EXOSC7: variants seen among roughly 807,000 people sequenced by gnomAD.
EXOSC7 encodes the protein exosome component 7, also known as exosome complex component RRP42.
EXOSC7 carries 25 observed loss-of-function variants against 34.3 expected under a neutral mutation model. The ratio of observed to expected loss-of-function variants is 0.73; its 90% CI spans 0.53 to 1.02. The LOEUF (loss-of-function observed/expected upper bound fraction) is 1.02, where lower values mean the gene tolerates loss of function less well. Ranked by LOEUF, EXOSC7 falls within the 50% of genes least tolerant of loss-of-function variation. The pLI is 0.00. For missense variants in EXOSC7, 370 were observed against 368.5 expected, an observed-to-expected ratio of 1.00 and a Z score of -0.03; for synonymous variants, 130 against 143.0, an observed-to-expected ratio of 0.91 and a Z score of 0.65.
rs968028612 is a variant in EXOSC7, at chr3:45,005,443, T to C, written c.615+29T>C. The C allele has an allele frequency of 4.3e-6, 7 of 1,609,380 alleles. No homozygotes were observed. In the African/African-American group the frequency reaches 9.3e-5, roughly 21 times the overall value. On this transcript the variant is annotated intron_variant, in intron 6 of 7. Coordinates refer to ENST00000265564, the MANE Select transcript of EXOSC7 (RefSeq NM_015004.4). ...TAACTTGTATTTTATGGTTTTTGTC[T>C]TCCCTGTGGGTGTGGGTCTCCTCTA...
At chr3:45,003,361 GTA>G (rs55776265) in intron 5 of EXOSC7, among the ~76,000 whole-genome samples, 64,680 of 145,960 alleles carry the variant, frequency 0.44, 14,296 homozygotes, top group East Asian at 0.77. Context: ...GTGTGTGTGT[GTA>G]TGTGTGTGTG....
intron 3 of EXOSC7, among the ~76,000 whole-genome samples, chr3:44,990,949 T>G (rs1706553768): frequency 6.6e-6 from 1 of 152,202 alleles, no homozygotes; most frequent in African/African-American, 2.4e-5. Context: ...GTTAACCCAC[T>G]TTTGTAGGGT....
At chr3:44,996,969 T>C in intron 3 of EXOSC7, 118 bp from the exon 4 acceptor site, 1 of 1,037,028 alleles carries the variant, frequency 9.6e-7, no homozygotes. Flanking sequence ...TCTCAGTGAC[T>C]TTCTGTCGAG....
Position 44,997,272 on chromosome 3 carries a change from A to G in EXOSC7, c.420+20A>G, listed in dbSNP as rs760074089. ...GTGCTGGTGAGTATCATCGTGCTGT[A>G]CTGGCCACATTCTACCTTTGTTGGA... is the stretch of plus-strand genomic sequence containing the variant. On this transcript the variant is annotated intron_variant, in intron 4 of 7. Transcript: ENST00000265564. 8 of 1,600,264 alleles carry G rather than the reference A, an allele frequency of 5.0e-6. No individual in the cohort carries two copies. Among genetic ancestry groups the G allele is most frequent in the East Asian group, 2.2e-5 (1 of 44,622 alleles).
At chr3:44,981,865 CAG>C (rs1328713669) in intron 1 of EXOSC7, among the ~76,000 whole-genome samples, 2 of 152,084 alleles carry the variant, frequency 1.3e-5, no homozygotes, top group African/African-American at 4.8e-5. Flanking sequence ...GCCTGGGTGA[CAG>C]AGAGATACTC....
chr3:45,006,568 C>T lies in EXOSC7; in HGVS notation c.616-852C>T, dbSNP rs373639596. ...AGTAGCTGGGACTACAGGCGCCCGCCACCGCGCCTGGCTAATTTTTTGTAT... is the reference window on the plus strand; with the variant it reads ...AGTAGCTGGGACTACAGGCGCCCGCTACCGCGCCTGGCTAATTTTTTGTAT... On this transcript the variant is annotated intron_variant, in intron 6 of 7. Transcript: ENST00000265564. Among the ~76,000 whole-genome samples the T allele has an allele frequency of 7.6e-4, 114 of 150,910 alleles. 5 individuals carry two copies. In the East Asian group the frequency reaches 0.013, roughly 17 times the overall value.
At chr3:44,978,534 T>C (rs1706185497) in intron 1 of EXOSC7, among the ~76,000 whole-genome samples, 1 of 152,120 alleles carries the variant, frequency 6.6e-6, no homozygotes, top group Non-Finnish European at 1.5e-5. Flanking sequence ...TAAATGTACT[T>C]GAGTGTTTAT....
rs11130040 is a variant in EXOSC7, at chr3:45,007,694, A to G, written c.771+119A>G. 633,647 of 1,137,362 alleles carry G rather than the reference A, an allele frequency of 0.56. 182,235 individuals are homozygous for G. The highest frequency in any genetic ancestry group is 0.89 in the East Asian group (32,592 of 36,516). The allele number at this position is 1,137,362 out of a possible 1,614,324, so 70.5% of individuals were successfully genotyped here. On this transcript the variant is annotated intron_variant, in intron 7 of 7. Transcript: ENST00000265564. ...CACAGCCTTGACCCCAAACTTGGAG[A>G]TTTGGGAACAGCTGGTTTGAGCCAG...
At position 45,007,467 on chromosome 3, in the gene EXOSC7, C is replaced by T; in HGVS notation, c.663C>T (p.Cys221=). 3 of 1,614,178 alleles carry T rather than the reference C, an allele frequency of 1.9e-6. No individual in the cohort carries two copies. The highest frequency in any genetic ancestry group is 2.5e-6 in the Non-Finnish European group (3 of 1,180,024). Residue 221 remains cysteine, a synonymous_variant, in exon 7 of 8, where the codon TGC becomes TGT. Transcript: ENST00000265564. The part of the protein sequence containing the change: ...VVDATLQEEA[C]SLASLLVSVT... Reference sequence around the variant, plus strand: ...ATGCTACTCTTCAGGAGGAGGCCTGCTCGCTGGCCAGCTTGCTGGTGTCGG... The same window carrying T: ...ATGCTACTCTTCAGGAGGAGGCCTGTTCGCTGGCCAGCTTGCTGGTGTCGG...
chr3:44,991,180 A>G (rs1379711454), intron 3 of EXOSC7, among the ~76,000 whole-genome samples: 1 of 152,222 alleles, frequency 6.6e-6, no homozygotes, highest in Non-Finnish European at 1.5e-5. Flanking sequence ...GGGGAGTCCA[A>G]GAACTATCCA....
chr3:45,004,779 C>T, intron 5 of EXOSC7: 1 of 151,668 alleles, frequency 6.6e-6, no homozygotes, highest in East Asian at 1.9e-4. Context: ...AATAGGAATT[C>T]TTTATGTAAT....
At chr3:44,976,471 C>T in intron 1 of EXOSC7, 137 bp downstream of exon 1, 1 of 766,826 alleles carries the variant, frequency 1.3e-6, no homozygotes, top group Non-Finnish European at 2.0e-6. Context: ...AACGGTTCTG[C>T]TGCCGGCGTT....
intron 1 of EXOSC7, among the ~76,000 whole-genome samples, chr3:44,981,960 C>A (rs1208079729): frequency 1.3e-5 from 2 of 152,180 alleles, no homozygotes; most frequent in African/African-American, 4.8e-5. Flanking sequence ...CTCTGAGGTA[C>A]CGCCTCTCAT....
chr3:44,989,546 G>C lies in EXOSC7; in HGVS notation c.160-4G>C, dbSNP rs1238578101. On this transcript the variant is annotated splice_region_variant and splice_polypyrimidine_tract_variant and intron_variant, in intron 2 of 7. Transcript: ENST00000265564. ...GTGAGGACTCTTCTTGCATGTGTCTGCAGGGTCACACAGACATCTTGGTGG... is the reference window on the plus strand; with the variant it reads ...GTGAGGACTCTTCTTGCATGTGTCTCCAGGGTCACACAGACATCTTGGTGG... The C allele has an allele frequency of 6.2e-7, 1 of 1,612,778 alleles. No homozygotes were observed. Among genetic ancestry groups the C allele is most frequent in the Non-Finnish European group, 8.5e-7 (1 of 1,178,884 alleles).
At chr3:44,977,642 C>CA (rs1185261855) in intron 1 of EXOSC7, among the ~76,000 whole-genome samples, 12 of 152,266 alleles carry the variant, frequency 7.9e-5, no homozygotes, top group Middle Eastern at 6.8e-3. Context: ...TAAAAATGCC[C>CA]AAAAGCAGTT....
intron 5 of EXOSC7, among the ~76,000 whole-genome samples, chr3:45,003,282 G>A (rs187487683): frequency 2.6e-5 from 4 of 152,238 alleles, no homozygotes; most frequent in Admixed American, 1.3e-4. Context: ...TAGCCCTTCT[G>A]CCCAGGCTTG....
chr3:45,011,372 T>G lies in EXOSC7; in HGVS notation c.*33T>G. On this transcript the variant is annotated 3_prime_UTR_variant, in exon 8 of 8. Transcript: ENST00000265564. ...ATCAACTGCTCAACTGTGGATTGTT[T>G]TTTACTTTTCCTTTTAAACCGGTTC... 7.2e-7 allele frequency: 1 copy of G among 1,387,238 alleles called. No individual in the cohort carries two copies. Among genetic ancestry groups the G allele is most frequent in the Non-Finnish European group, 1.0e-6 (1 of 988,500 alleles). The allele number at this position is 1,387,238 out of a possible 1,614,324, so 85.9% of individuals were successfully genotyped here.
intron 1 of EXOSC7, among the ~76,000 whole-genome samples, chr3:44,983,802 G>A (rs1706336280): frequency 6.6e-6 from 1 of 152,046 alleles, no homozygotes; most frequent in Non-Finnish European, 1.5e-5. Context: ...AGGGCACCAG[G>A]CCCTGAGCTA....
At chr3:44,994,856 G>GGGGTGT (rs1313160149) in intron 3 of EXOSC7, among the ~76,000 whole-genome samples, 45 of 134,948 alleles carry the variant, frequency 3.3e-4, no homozygotes, top group African/African-American at 1.2e-3. Context: ...TGGAAGAATG[G>GGGGTGT]GTGTGTGTGT....
Sources: allele counts gnomAD v4.1 joint callset (sites outside exome capture counted in the v4.1 genomes callset), GRCh38; gene constraint gnomAD v4.1.1; transcripts MANE v1.5; gene names NCBI Gene and HGNC (gene_info 2026-07-23, HGNC 2026-07-21).